AGT: variants seen among roughly 807,000 people sequenced by gnomAD.
AGT encodes angiotensinogen.
In AGT, 26 loss-of-function variants were observed where a neutral mutation model predicts 28.1. The observed-to-expected ratio is 0.92, with a 90% confidence interval of 0.68 to 1.28. AGT has a LOEUF of 1.28. Ranked by LOEUF, AGT falls within the 50% of genes most tolerant of loss-of-function variation. The pLI is 0.00. For synonymous variants in AGT, 259 were observed against 259.6 expected, an observed-to-expected ratio of 1.00 and a Z score of 0.02; for missense variants, 596 against 592.3, an observed-to-expected ratio of 1.01 and a Z score of -0.06.
chr1:230,708,151 C>G (rs1260504248), intron 2 of AGT, among the ~76,000 whole-genome samples: 3 of 152,220 alleles, frequency 2.0e-5, no homozygotes. Flanking sequence ...GGAAGTGGGG[C>G]AGGGTCAGGG....
At chr1:230,726,403 G>A (rs1302758658) in intron 1 of AGT, among the ~76,000 whole-genome samples, 1 of 151,954 alleles carries the variant, frequency 6.6e-6, no homozygotes, top group Non-Finnish European at 1.5e-5. Context: ...TGAAAAAAAA[G>A]TCTGAATGTC....
chr1:230,707,648 C>A (rs756654626), intron 2 of AGT, among the ~76,000 whole-genome samples: 1 of 152,210 alleles, frequency 6.6e-6, no homozygotes, highest in African/African-American at 2.4e-5. Context: ...CCTGCAGGGA[C>A]CTCGGTGCTG....
chr1:230,707,059 G>A (rs543274468), intron 2 of AGT, among the ~76,000 whole-genome samples: 7 of 152,316 alleles, frequency 4.6e-5, no homozygotes, highest in South Asian at 2.1e-4. Flanking sequence ...ACACAACCTC[G>A]TTGTGATGAA....
intron 1 of AGT, among the ~76,000 whole-genome samples, chr1:230,720,418 T>C (rs1442729016): frequency 6.6e-6 from 1 of 152,196 alleles, no homozygotes; most frequent in Non-Finnish European, 1.5e-5. Context: ...CCCTTTCCCC[T>C]TTGTCCACAT....
chr1:230,707,324 G>C (rs1319633321), intron 2 of AGT, among the ~76,000 whole-genome samples: 1 of 152,220 alleles, frequency 6.6e-6, no homozygotes, highest in Non-Finnish European at 1.5e-5. Context: ...GTTCTTAGGA[G>C]AATAGGGTGA....
intron 1 of AGT, among the ~76,000 whole-genome samples, chr1:230,726,412 T>G (rs1663943448): frequency 6.6e-6 from 1 of 152,118 alleles, no homozygotes. Context: ...AGTCTGAATG[T>G]CATTCCAGTC....
intron 1 of AGT, among the ~76,000 whole-genome samples, chr1:230,742,687 C>T (rs900268861): frequency 1.3e-5 from 2 of 152,140 alleles, no homozygotes; most frequent in South Asian, 2.1e-4. Context: ...TTCCTTGTTC[C>T]GTTTTATGGC....
At chr1:230,705,870 C>T (rs555708850) in intron 3 of AGT, 63 bp downstream of exon 3, 18 of 1,598,828 alleles carry the variant, frequency 1.1e-5, no homozygotes, top group South Asian at 7.8e-5. Context: ...CTCCCCACCC[C>T]GCCCCCAGCC....
intron 2 of AGT, among the ~76,000 whole-genome samples, chr1:230,707,652 G>A (rs780515834): frequency 6.6e-6 from 1 of 152,226 alleles, no homozygotes; most frequent in East Asian, 1.9e-4. Context: ...CAGGGACCTC[G>A]GTGCTGCCCA....
intron 1 of AGT, among the ~76,000 whole-genome samples, chr1:230,720,123 G>A (rs1026558087): frequency 6.6e-6 from 1 of 152,056 alleles, no homozygotes; most frequent in African/African-American, 2.4e-5. Flanking sequence ...TTGCCTCAGG[G>A]GTCCCATGAG....
intron 1 of AGT, among the ~76,000 whole-genome samples, chr1:230,744,563 T>C (rs2102809656): frequency 6.6e-6 from 1 of 152,322 alleles, no homozygotes; most frequent in Non-Finnish European, 1.5e-5. Flanking sequence ...ATTCCAGCTG[T>C]GGTTCTGGAG....
rs114526472 is a variant in AGT, at chr1:230,732,795, A to G, written c.-31+12720T>C. ...GGTTGAGTAGGCTTAGGAGGAAGAG[A>G]AGGAATTGGTCTTGCTGTCTCAAGG... On this transcript the variant is annotated intron_variant, in intron 1 of 4. Coordinates refer to the AGT transcript ENST00000681269. Among the ~76,000 whole-genome samples, 504 of 152,274 alleles carry G rather than the reference A, an allele frequency of 3.3e-3. 4 individuals are homozygous for G. The highest frequency in any genetic ancestry group is 0.011 in the African/African-American group (440 of 41,532).
At chr1:230,706,889 T>A (rs1339465385) in intron 2 of AGT, among the ~76,000 whole-genome samples, 1 of 152,116 alleles carries the variant, frequency 6.6e-6, no homozygotes, top group Non-Finnish European at 1.5e-5. Flanking sequence ...CTGCTCATAC[T>A]CACTTTTTAA....
chr1:230,732,614 C>T (rs756965382), intron 1 of AGT, among the ~76,000 whole-genome samples: 5 of 152,126 alleles, frequency 3.3e-5, no homozygotes, highest in Admixed American at 1.3e-4. Context: ...ATTTTTATGT[C>T]GTAGGTATTA....
At position 230,703,447 on chromosome 1, in the gene AGT, G is replaced by A. The variant is rs61751074; in HGVS notation, c.1243-118C>T. The A allele has an allele frequency of 4.4e-3, 4,731 of 1,066,064 alleles. 16 individuals are homozygous for A. The highest frequency in any genetic ancestry group is 5.5e-3 in the Non-Finnish European group (3,863 of 706,430). 66.0% of individuals were successfully genotyped at this position (1,066,064 alleles called of 1,614,324 possible). On this transcript the variant is annotated intron_variant, in intron 4 of 4. Transcript: ENST00000366667. Reference sequence around the variant, plus strand: ...TGTGCTGTGCACTGTCCTGGAGGGGGACATTTTCCAGCCTGCCAGGAGGAT... The same window carrying A: ...TGTGCTGTGCACTGTCCTGGAGGGGAACATTTTCCAGCCTGCCAGGAGGAT...
At chr1:230,721,243 T>G (rs7524292) in intron 1 of AGT, among the ~76,000 whole-genome samples, 26,744 of 152,174 alleles carry the variant, frequency 0.18, 3,111 homozygotes, top group East Asian at 0.49. Context: ...CACTAACCCT[T>G]CTTCCTCCTT....
At chr1:230,711,111 C>G (rs1210417046) in intron 1 of AGT, among the ~76,000 whole-genome samples, 1 of 152,212 alleles carries the variant, frequency 6.6e-6, no homozygotes, top group Non-Finnish European at 1.5e-5. Flanking sequence ...TTGAAGTCCT[C>G]AACCCCAGGA....
At chr1:230,742,911 T>C (rs944328358) in intron 1 of AGT, among the ~76,000 whole-genome samples, 19 of 152,174 alleles carry the variant, frequency 1.2e-4, no homozygotes, top group African/African-American at 4.3e-4. Context: ...AGTGGGTGCA[T>C]TGGTAGCTCT....
intron 1 of AGT, among the ~76,000 whole-genome samples, chr1:230,736,204 C>A (rs1277462337): frequency 6.6e-6 from 1 of 151,716 alleles, no homozygotes; most frequent in African/African-American, 2.4e-5. Flanking sequence ...ATACAATTGA[C>A]CCCTTATCAT....
Sources: allele counts gnomAD v4.1 joint callset (sites outside exome capture counted in the v4.1 genomes callset), GRCh38; gene constraint gnomAD v4.1.1; transcripts MANE v1.5; gene names NCBI Gene and HGNC (gene_info 2026-07-23, HGNC 2026-07-21).